Variants in RBM47 observed in about 807,000 individuals in gnomAD.
The protein encoded by RBM47 is RNA-binding protein 47.
A neutral mutation model predicts 47.1 loss-of-function variants in RBM47; 21 were observed. The ratio of observed to expected loss-of-function variants is 0.45; its 90% CI spans 0.32 to 0.64. RBM47 has a LOEUF of 0.64. Ranked by LOEUF, RBM47 falls within the 30% of genes least tolerant of loss-of-function variation. RBM47 has a pLI of 0.05. For missense variants in RBM47, 708 were observed against 870.9 expected (o/e 0.81, Z 2.35); for synonymous variants, 375 against 361.7 (o/e 1.04, Z -0.42).
At chr4:40,525,210 C>T (rs1038168609) in intron 2 of RBM47, among the ~76,000 whole-genome samples, 1 of 152,094 alleles carries the variant, frequency 6.6e-6, no homozygotes, top group African/African-American at 2.4e-5. Flanking sequence ...GGCCAAGGTG[C>T]GCAGATTGCT....
chr4:40,498,986 G>A (rs1294112642), intron 2 of RBM47, among the ~76,000 whole-genome samples: 2 of 147,976 alleles, frequency 1.4e-5, no homozygotes, highest in Non-Finnish European at 3.0e-5. Flanking sequence ...CAGAGGTTGC[G>A]GTGAGCCAAG....
intron 3 of RBM47, among the ~76,000 whole-genome samples, chr4:40,448,928 G>T (rs1714973157): frequency 1.3e-5 from 2 of 152,162 alleles, no homozygotes; most frequent in East Asian, 1.9e-4. Context: ...GAAGGAGGGG[G>T]TGGGGTAGGA....
chr4:40,613,906 T>C (rs370797738), intron 1 of RBM47, among the ~76,000 whole-genome samples: 1 of 152,210 alleles, frequency 6.6e-6, no homozygotes, highest in African/African-American at 2.4e-5. Flanking sequence ...ATTCTTTGTT[T>C]TGAGTGGTTC....
At chr4:40,472,665 TCATTTCTGG>T (rs975546383) in intron 2 of RBM47, among the ~76,000 whole-genome samples, 12 of 152,296 alleles carry the variant, frequency 7.9e-5, no homozygotes, top group African/African-American at 2.4e-4. Flanking sequence ...TTTCATACTT[TCATTTCTGG>T]CATTTCTGGA....
Position 40,438,329 on chromosome 4 carries a change from C to T in RBM47, c.565G>A (p.Asp189Asn), listed in dbSNP as rs1226966310. ...GCGAAGCCGCGGTTCTTCATCTTGT[C>T]GGCCGCGCTGGCGTAGACGATCACG... ...LDVIVYASAA[D>N]KMKNRGFAFV... The change falls in exon 4 of 7, where the codon GAC (aspartate) becomes AAC (asparagine). Residue 189 changes from aspartate to asparagine, a missense_variant. Asp to Asn is a conservative substitution (Grantham distance 23). Transcript: ENST00000295971. 3.7e-6 allele frequency: 6 copies of T among 1,608,784 alleles called. No homozygotes were observed. In the African/African-American group the frequency reaches 5.3e-5, roughly 14 times the overall value.
intron 3 of RBM47, among the ~76,000 whole-genome samples, chr4:40,453,080 C>T (rs1300216133): frequency 6.6e-6 from 1 of 152,074 alleles, no homozygotes; most frequent in Non-Finnish European, 1.5e-5. Context: ...ACCTTGTGAT[C>T]TGCCCGCCTC....
chr4:40,487,947 C>T (rs964988872), intron 2 of RBM47, among the ~76,000 whole-genome samples: 10 of 150,864 alleles, frequency 6.6e-5, no homozygotes, highest in African/African-American at 1.7e-4. Context: ...GGGAAAAAAA[C>T]GGAACGCACA....
At chr4:40,497,512 G>T (rs1375285807) in intron 2 of RBM47, among the ~76,000 whole-genome samples, 1 of 151,770 alleles carries the variant, frequency 6.6e-6, no homozygotes, top group Non-Finnish European at 1.5e-5. Context: ...CCAGCTACTC[G>T]GGAGGCTGAG....
chr4:40,576,256 TG>T (rs72400279), intron 1 of RBM47, among the ~76,000 whole-genome samples: 2,172 of 117,756 alleles, frequency 0.018, 37 homozygotes, highest in Non-Finnish European at 0.023. Flanking sequence ...TTTTTTTTTT[TG>T]GGGGGGGGCG....
intron 1 of RBM47, among the ~76,000 whole-genome samples, chr4:40,597,857 A>G (rs1734898149): frequency 6.6e-6 from 1 of 152,256 alleles, no homozygotes; most frequent in African/African-American, 2.4e-5. Context: ...CTGAGCATCT[A>G]GCCAGAAGGA....
intron 3 of RBM47, among the ~76,000 whole-genome samples, chr4:40,444,880 G>T (rs1242370032): frequency 6.6e-6 from 1 of 151,666 alleles, no homozygotes. Flanking sequence ...TGCCAGGCTG[G>T]TCTCGAACTC....
chr4:40,555,183 C>T (rs769046940), intron 1 of RBM47, among the ~76,000 whole-genome samples: 5 of 152,218 alleles, frequency 3.3e-5, no homozygotes, highest in Non-Finnish European at 7.3e-5. Flanking sequence ...GCAATCCACC[C>T]GCCTCAGACT....
chr4:40,620,195 GAAAAAA>G (rs200356171), intron 1 of RBM47, among the ~76,000 whole-genome samples: 1 of 80,196 alleles, frequency 1.2e-5, no homozygotes, highest in Non-Finnish European at 2.4e-5. Flanking sequence ...GACTCAGTAT[GAAAAAA>G]AAAAAAAAAA....
At chr4:40,430,394 G>A (rs565869732) in intron 6 of RBM47, among the ~76,000 whole-genome samples, 1 of 152,260 alleles carries the variant, frequency 6.6e-6, no homozygotes, top group South Asian at 2.1e-4. Context: ...TCTTACTAAA[G>A]GAGAATTAGA....
chr4:40,564,355 T>C (rs534904660), intron 1 of RBM47, among the ~76,000 whole-genome samples: 1 of 152,178 alleles, frequency 6.6e-6, no homozygotes, highest in African/African-American at 2.4e-5. Context: ...CCAGTCTGGA[T>C]CTCCAAATGA....
intron 2 of RBM47, among the ~76,000 whole-genome samples, chr4:40,527,436 A>ATTTTTTTTTTT (rs60524903): frequency 4.4e-3 from 466 of 104,730 alleles, no homozygotes; most frequent in Middle Eastern, 0.014. Flanking sequence ...ACACCTGGCA[A>ATTTTTTTTTTT]TTTTTTTTTT....
intron 2 of RBM47, among the ~76,000 whole-genome samples, chr4:40,500,555 G>A (rs1447704937): frequency 6.6e-6 from 1 of 152,128 alleles, no homozygotes; most frequent in Admixed American, 6.6e-5. Context: ...AGGCTGCAGT[G>A]AGCCATGACT....
intron 1 of RBM47, among the ~76,000 whole-genome samples, chr4:40,564,030 C>T (rs1194296629): frequency 2.0e-5 from 3 of 152,140 alleles, no homozygotes; most frequent in Admixed American, 2.0e-4. Flanking sequence ...GGCAACATAG[C>T]AAGACACTAT....
At position 40,552,474 on chromosome 4, in the gene RBM47, G is replaced by A. The variant is rs376700726; in HGVS notation, c.-239-7968C>T. Among the ~76,000 whole-genome samples, 177 of 152,234 alleles carry A rather than the reference G, an allele frequency of 1.2e-3. 2 individuals carry two copies. Among genetic ancestry groups the A allele is most frequent in the Non-Finnish European group, 1.0e-3 (70 of 68,016 alleles). ...TGGGCTCTGTATTTCAACTATTGAC[G>A]TGTTAAAAATTCATCTAGTCCAGAT... is the stretch of plus-strand genomic sequence containing the variant. On this transcript the variant is annotated intron_variant, in intron 1 of 6. Transcript: ENST00000295971.
Sources: allele counts gnomAD v4.1 joint callset (sites outside exome capture counted in the v4.1 genomes callset), GRCh38; gene constraint gnomAD v4.1.1; transcripts MANE v1.5; gene names NCBI Gene and HGNC (gene_info 2026-07-23, HGNC 2026-07-21).